The following PLEKHM1 variants were observed in gnomAD, a reference collection of about 807,000 sequenced individuals.
PLEKHM1 encodes the protein pleckstrin homology and RUN domain containing M1, also known as pleckstrin homology domain-containing family M member 1.
A neutral mutation model predicts 94.3 loss-of-function variants in PLEKHM1; 28 were observed. The observed-to-expected ratio is 0.30, with a 90% CI of 0.22 to 0.41. PLEKHM1 has a LOEUF of 0.41. PLEKHM1 is among the 10% of genes least tolerant of loss of function. The probability of loss-of-function intolerance (pLI) is 1.00; values close to 1 mark genes in which losing one functional copy is unlikely to be tolerated. For missense variants in PLEKHM1, 907 were observed against 1,358.6 expected (o/e 0.67, Z 5.22); for synonymous variants, 424 against 581.2 (o/e 0.73, Z 3.89).
intron 1 of PLEKHM1, among the ~76,000 whole-genome samples, chr17:45,488,111 G>A (rs566785180): frequency 6.6e-6 from 1 of 152,232 alleles, no homozygotes; most frequent in African/African-American, 2.4e-5. Flanking sequence ...TGAAGGGTGA[G>A]AAACTTTTAG....
At chr17:45,463,160 G>A (rs1393899451) in intron 5 of PLEKHM1, among the ~76,000 whole-genome samples, 1 of 151,884 alleles carries the variant, frequency 6.6e-6, no homozygotes, top group Non-Finnish European at 1.5e-5. Context: ...AAGACTACTA[G>A]GAAATGTTCA....
rs8077198 is a variant in PLEKHM1 at position 45,466,299 on chromosome 17, T to C, written c.1308+1910A>G. Among the ~76,000 whole-genome samples the C allele has an allele frequency of 5.0e-3, 763 of 152,304 alleles. 8 individuals are homozygous for C. The highest frequency in any genetic ancestry group is 0.017 in the African/African-American group (723 of 41,560). The stretch of plus-strand genomic sequence containing the variant: ...TTGAAAGATAAATCACTAAAGCTTC[T>C]AGAAGATAATATAGGCAAATACCTT... On this transcript the variant is annotated intron_variant, in intron 5 of 11. Transcript: ENST00000430334.
rs1178551810 is a variant in PLEKHM1, at chr17:45,444,620, C to A, written c.2837+850G>T. ...CTGCCTCTCGCCACACTCCCCACTT[C>A]CCTCCTCACTGTAGCCAAAGTTCTC... On this transcript the variant is annotated intron_variant, in intron 9 of 11. Transcript: ENST00000430334. This position sits in a 1 kb window ranked among gnomAD's most constrained non-coding sequence, Gnocchi z 5.0. 2.0e-5 allele frequency among the ~76,000 whole-genome samples: 3 copies of A among 152,234 alleles called. No homozygotes were observed. The highest frequency in any genetic ancestry group is 4.4e-5 in the Non-Finnish European group (3 of 68,034).
chr17:45,484,235 G>A (rs1461826821), intron 1 of PLEKHM1, among the ~76,000 whole-genome samples: 1 of 152,210 alleles, frequency 6.6e-6, no homozygotes, highest in Non-Finnish European at 1.5e-5. Context: ...GCCATCTCTT[G>A]TTGGGAAAAT....
rs1232358262 is a variant in PLEKHM1, at chr17:45,468,732, C to G, written c.924-139G>C. 3 of 865,460 alleles carry G rather than the reference C, an allele frequency of 3.5e-6. No individual in the cohort carries two copies. In the East Asian group the frequency reaches 7.5e-5, roughly 22 times the overall value. The allele number at this position is 865,460 out of a possible 1,614,324, so 53.6% of individuals were successfully genotyped here. ...CACCCTCTAAATGATCCACTGCACT[C>G]CCCCTCACGCAGTCCTCCTCTGACA... On this transcript the variant is annotated intron_variant, in intron 4 of 11. Transcript: ENST00000430334.
chr17:45,473,526 A>G (rs977737821), intron 4 of PLEKHM1, among the ~76,000 whole-genome samples: 1 of 152,216 alleles, frequency 6.6e-6, no homozygotes, highest in Non-Finnish European at 1.5e-5. Flanking sequence ...TGTAGGAGAG[A>G]AAGTAATAAA....
At chr17:45,460,257 T>C (rs1282888023) in intron 5 of PLEKHM1, 6 of 152,074 alleles carry the variant, frequency 3.9e-5, no homozygotes, top group Non-Finnish European at 7.4e-5. Flanking sequence ...AGAGAATAAA[T>C]ACCAGTTTTG....
intron 7 of PLEKHM1, among the ~76,000 whole-genome samples, chr17:45,451,842 C>T (rs1261803999): frequency 6.6e-6 from 1 of 152,222 alleles, no homozygotes; most frequent in Non-Finnish European, 1.5e-5. Context: ...GGAGTCCTGG[C>T]CCCCTCAGAG....
In PLEKHM1 at chr17:45,445,626, C is replaced by T. The variant is rs760240204; in HGVS notation, c.2681G>A (p.Arg894Gln). The T allele has an allele frequency of 4.3e-6, 7 of 1,613,556 alleles. No individual in the cohort carries two copies. Among genetic ancestry groups the T allele is most frequent in the East Asian group, 4.5e-5 (2 of 44,900 alleles). ...CTGCAGGTTGATGAGGGGCTGGGCC[C>T]GGATCTGTGTCAGAAACTTCAGGGC... ...RQALKFLTQI[R>Q]AQPLINLQMV... is the part of the protein sequence containing the mutation. Residue 894 changes from arginine (R) to glutamine (Q), a missense_variant, in exon 9 of 12, where the codon CGG (arginine) becomes CAG (glutamine). Physicochemically the swap from Arg to Gln is conservative, Grantham distance 43 (BLOSUM62 1). This residue lies in a region of PLEKHM1 where 254 missense variants were observed against 451.1 expected (regional missense o/e 0.56). Coordinates refer to ENST00000430334, the MANE Select transcript of PLEKHM1 (RefSeq NM_014798.3). This position sits in a 1 kb window ranked among gnomAD's most constrained non-coding sequence, Gnocchi z 4.2.
Position 45,436,361 on chromosome 17 carries a change from C to A in PLEKHM1, c.*1497G>T. The A allele has an allele frequency of 2.2e-6, 1 of 454,158 alleles. No homozygotes were observed. Among genetic ancestry groups the A allele is most frequent in the Non-Finnish European group, 4.4e-6 (1 of 226,792 alleles). The allele number at this position is 454,158 out of a possible 1,614,324, so 28.1% of individuals were successfully genotyped here. On this transcript the variant is annotated 3_prime_UTR_variant, in exon 12 of 12. Coordinates refer to ENST00000430334, the MANE Select transcript of PLEKHM1 (RefSeq NM_014798.3). Reference sequence around the variant, plus strand: ...TGTGCCATGACCGGGAGAAGCTGTGCGCAGCCTCCACCTGCCTGCCACCGT... The same window carrying A: ...TGTGCCATGACCGGGAGAAGCTGTGAGCAGCCTCCACCTGCCTGCCACCGT...
At chr17:45,477,531 T>A in intron 3 of PLEKHM1, 1 of 353,968 alleles carries the variant, frequency 2.8e-6, no homozygotes. Flanking sequence ...AAGGGCCAGA[T>A]AGTATATTCT....
At position 45,435,916 on chromosome 17, in the gene PLEKHM1, G is replaced by A. The variant is rs1447783831; in HGVS notation, c.*1942C>T. On this transcript the variant is annotated 3_prime_UTR_variant, in exon 12 of 12. Coordinates refer to ENST00000430334, the MANE Select transcript of PLEKHM1 (RefSeq NM_014798.3). ...CCAGACCAGTGATGAGAAAGATCAG[G>A]TCTTTACTGCAAAATCATTCAAAAC... 2 of 455,440 alleles carry A rather than the reference G, an allele frequency of 4.4e-6. No individual in the cohort carries two copies. Among genetic ancestry groups the A allele is most frequent in the East Asian group, 6.9e-5 (1 of 14,390 alleles). 28.2% of individuals were successfully genotyped at this position (455,440 alleles called of 1,614,324 possible).
At chr17:45,439,016 G>C (rs1056850794) in intron 11 of PLEKHM1, among the ~76,000 whole-genome samples, 1 of 152,240 alleles carries the variant, frequency 6.6e-6, no homozygotes, top group African/African-American at 2.4e-5. Flanking sequence ...AGAGGTTGCG[G>C]ATAATGAGCA....
chr17:45,443,188 A>G (rs2050499797), intron 9 of PLEKHM1, among the ~76,000 whole-genome samples: 9 of 152,194 alleles, frequency 5.9e-5, no homozygotes, highest in Admixed American at 5.2e-4. Context: ...CCCTCAGCTC[A>G]GATGCCATCT....
At chr17:45,473,332 T>C (rs1302484823) in intron 4 of PLEKHM1, among the ~76,000 whole-genome samples, 3 of 152,118 alleles carry the variant, frequency 2.0e-5, no homozygotes, top group South Asian at 2.1e-4. Flanking sequence ...CTCACGCCTG[T>C]AATCCCCAGC....
rs1307328029 is a variant in PLEKHM1 at position 45,436,670 on chromosome 17, C to T, written c.*1188G>A. ...TTGAAAACAATTCCAGACTCCCACC[C>T]CAGCCCCAAGGCCCCTTCAAAGGCA... On this transcript the variant is annotated 3_prime_UTR_variant, in exon 12 of 12. Transcript: ENST00000430334. The T allele has an allele frequency of 2.2e-6, 1 of 454,044 alleles. No individual in the cohort carries two copies. Among genetic ancestry groups the T allele is most frequent in the African/African-American group, 2.0e-5 (1 of 50,020 alleles). 28.1% of individuals were successfully genotyped at this position (454,044 alleles called of 1,614,324 possible). A position where few individuals can be genotyped will look rare whatever the true frequency, so the allele number is the denominator to read the frequency against.
At chr17:45,480,843 T>A (rs2051930174) in intron 2 of PLEKHM1, among the ~76,000 whole-genome samples, 1 of 152,228 alleles carries the variant, frequency 6.6e-6, no homozygotes, top group African/African-American at 2.4e-5. Context: ...TTTGGGTTGT[T>A]TCTACTCTTT....
Position 45,448,974 on chromosome 17 carries a change from G to T in PLEKHM1, c.2643+1644C>A, listed in dbSNP as rs527481432. The stretch of plus-strand genomic sequence containing the variant: ...ATATGTCAATAAATGCACAGAAAAG[G>T]GTATACCCCGAAATGTTAATAATGG... On this transcript the variant is annotated intron_variant, in intron 8 of 11. Coordinates refer to ENST00000430334, the MANE Select transcript of PLEKHM1 (RefSeq NM_014798.3). Among the ~76,000 whole-genome samples, 36 of 152,094 alleles carry T rather than the reference G, an allele frequency of 2.4e-4. No homozygotes were observed. In the East Asian group the frequency reaches 6.4e-3, roughly 27 times the overall value.
chr17:45,479,876 T>C (rs918394101), intron 2 of PLEKHM1, among the ~76,000 whole-genome samples: 14 of 152,200 alleles, frequency 9.2e-5, no homozygotes, highest in Non-Finnish European at 1.5e-4. Context: ...TTTGGAAATA[T>C]AGAGTAAAAA....
Sources: allele counts gnomAD v4.1 joint callset (sites outside exome capture counted in the v4.1 genomes callset), GRCh38; gene constraint gnomAD v4.1.1; regional missense constraint gnomAD v4.1.1; non-coding constraint Gnocchi (gnomAD v3.1); transcripts MANE v1.5; gene names NCBI Gene and HGNC (gene_info 2026-07-23, HGNC 2026-07-21).